The following RUBCN variants were observed in gnomAD, a reference collection of about 807,000 sequenced individuals.
The protein encoded by RUBCN is run domain Beclin-1-interacting and cysteine-rich domain-containing protein.
RUBCN carries 74 observed loss-of-function variants against 113.2 expected under a neutral mutation model. The observed-to-expected ratio is 0.65, with a 90% CI of 0.54 to 0.79. The LOEUF is 0.79. Among genes scored for constraint, RUBCN ranks in the 30% least tolerant of loss-of-function variants. The probability of loss-of-function intolerance (pLI) is 0.00; values close to 1 mark genes in which losing one functional copy is unlikely to be tolerated. For synonymous variants in RUBCN, 480 were observed against 490.0 expected (o/e 0.98, Z 0.27); for missense variants, 1,109 against 1,251.7 (o/e 0.89, Z 1.72).
At chr3:197,726,222 G>GTATTT (rs1000971388) in intron 1 of RUBCN, among the ~76,000 whole-genome samples, 14 of 152,024 alleles carry the variant, frequency 9.2e-5, no homozygotes, top group South Asian at 2.1e-4. Context: ...TATTTCTTTT[G>GTATTT]TATTTTATTT....
At chr3:197,691,786 A>G (rs1019498567) in intron 11 of RUBCN, among the ~76,000 whole-genome samples, 2 of 151,942 alleles carry the variant, frequency 1.3e-5, no homozygotes, top group African/African-American at 4.8e-5. Context: ...CTCCTCCTGA[A>G]ATTCTGACTG....
chr3:197,696,828 G>T, intron 8 of RUBCN, 126 bp downstream of exon 8: 1 of 673,248 alleles, frequency 1.5e-6, no homozygotes, highest in East Asian at 3.0e-5. Context: ...ACAAAAGAGT[G>T]ACTGAGACTG....
chr3:197,749,596 A>C (rs1280806708), exon 1 of RUBCN: 3 of 1,212,964 alleles, frequency 2.5e-6, no homozygotes, highest in Middle Eastern at 4.4e-4. Context: ...TGTCTGCAGC[A>C]GGAGGGACTC....
chr3:197,719,891 C>T (rs1725957527), intron 1 of RUBCN, among the ~76,000 whole-genome samples: 1 of 152,186 alleles, frequency 6.6e-6, no homozygotes, highest in Admixed American at 6.5e-5. Context: ...AAGTAATTAG[C>T]ATATCCATCA....
chr3:197,701,232 C>T lies in RUBCN; in HGVS notation c.728-86G>A, dbSNP rs139172914. On this transcript the variant is annotated intron_variant, in intron 6 of 19. Coordinates refer to ENST00000296343, the MANE Select transcript of RUBCN (RefSeq NM_014687.4). The stretch of plus-strand genomic sequence containing the variant: ...TGAAGGACTGGGTGACCAGGACATA[C>T]GATGTCACCTCAGAAACGGCAAGCC... 1.3e-4 allele frequency: 160 copies of T among 1,211,068 alleles called. No individual in the cohort carries two copies. In the East Asian group the frequency reaches 2.0e-3, roughly 15 times the overall value. 75.0% of individuals were successfully genotyped at this position (1,211,068 alleles called of 1,614,324 possible).
At chr3:197,676,771 C>T in intron 18 of RUBCN, 114 bp downstream of exon 18, 2 of 1,585,254 alleles carry the variant, frequency 1.3e-6, no homozygotes, top group Non-Finnish European at 1.7e-6. Flanking sequence ...TCTCCCAGTG[C>T]TGACTGGCCA....
intron 2 of RUBCN, among the ~76,000 whole-genome samples, chr3:197,709,093 A>T (rs1724655991): frequency 6.6e-6 from 1 of 152,186 alleles, no homozygotes; most frequent in South Asian, 2.1e-4. Context: ...CAATATCCTA[A>T]GATTGTTGAA....
At chr3:197,719,476 CAAAA>C (rs369029082) in intron 1 of RUBCN, among the ~76,000 whole-genome samples, 54 of 54,238 alleles carry the variant, frequency 1.0e-3, no homozygotes, top group Non-Finnish European at 1.7e-3. Flanking sequence ...GAGATTGTCT[CAAAA>C]AAAAAAAAAA....
At position 197,693,820 on chromosome 3, in the gene RUBCN, T is replaced by C. The variant is rs1722697866; in HGVS notation, c.1685-4A>G. ...CTGCTGGAGGTGACCCGAAAGCCTGTTATGTTTAAAAACAAAAAGGAATAA... is the reference window on the plus strand; with the variant it reads ...CTGCTGGAGGTGACCCGAAAGCCTGCTATGTTTAAAAACAAAAAGGAATAA... On this transcript the variant is annotated splice_polypyrimidine_tract_variant and splice_region_variant and intron_variant, in intron 10 of 19. Coordinates refer to ENST00000296343, the MANE Select transcript of RUBCN (RefSeq NM_014687.4). 1.2e-6 allele frequency: 2 copies of C among 1,611,124 alleles called. No individual in the cohort carries two copies. The highest frequency in any genetic ancestry group is 1.3e-5 in the African/African-American group (1 of 74,882).
In RUBCN at chr3:197,705,186, A is replaced by T. The variant is rs775057348; in HGVS notation, c.220-11T>A. On this transcript the variant is annotated splice_polypyrimidine_tract_variant and intron_variant, in intron 2 of 19. Transcript: ENST00000296343. ...CTGGCGGCGGCACGCCTGCAAAGGG[A>T]ACACATACAATGAGCAAATCACGAC... The T allele has an allele frequency of 1.1e-5, 18 of 1,612,400 alleles. No homozygotes were observed. Among genetic ancestry groups the T allele is most frequent in the Middle Eastern group, 3.3e-4 (2 of 6,062 alleles).
At chr3:197,713,939 T>C (rs1467405356) in intron 2 of RUBCN, among the ~76,000 whole-genome samples, 2 of 151,092 alleles carry the variant, frequency 1.3e-5, no homozygotes, top group African/African-American at 2.4e-5. Flanking sequence ...TAGCCGGGCG[T>C]GGTGGCGGGC....
At chr3:197,710,464 G>GT (rs1311204281) in intron 2 of RUBCN, among the ~76,000 whole-genome samples, 1 of 152,080 alleles carries the variant, frequency 6.6e-6, no homozygotes, top group Non-Finnish European at 1.5e-5. Flanking sequence ...GCTGGGCATG[G>GT]TGGCACATGC....
At position 197,674,815 on chromosome 3, in the gene RUBCN, C is replaced by A; in HGVS notation, c.*203G>T. ...CACCTGGTGTTTACAAATTATCTGT[C>A]ACCACAGACTCTGGACCCATCAACC... On this transcript the variant is annotated 3_prime_UTR_variant, in exon 20 of 20. Coordinates refer to ENST00000296343, the MANE Select transcript of RUBCN (RefSeq NM_014687.4). 1.8e-6 allele frequency: 1 copy of A among 543,996 alleles called. No homozygotes were observed. Among genetic ancestry groups the A allele is most frequent in the Non-Finnish European group, 3.2e-6 (1 of 312,888 alleles). The allele number at this position is 543,996 out of a possible 1,614,324, so 33.7% of individuals were successfully genotyped here. A position where few individuals can be genotyped will look rare whatever the true frequency, so the allele number is the denominator to read the frequency against.
In RUBCN at chr3:197,676,087, C is replaced by T. The variant is rs756518090; in HGVS notation, c.2647-572G>A. ...CATGTTGAGTAGATGACGACAATAA[C>T]GACGTGCGTTTGAGGAATACATAAA... On this transcript the variant is annotated intron_variant, in intron 18 of 19. Coordinates refer to ENST00000296343, the MANE Select transcript of RUBCN (RefSeq NM_014687.4). The T allele has an allele frequency of 8.4e-5, 51 of 604,324 alleles. 1 individual carries two copies. The highest frequency in any genetic ancestry group is 1.0e-4 in the Non-Finnish European group (50 of 477,780). 37.4% of individuals were successfully genotyped at this position (604,324 alleles called of 1,614,324 possible). A position where few individuals can be genotyped will look rare whatever the true frequency, so the allele number is the denominator to read the frequency against.
chr3:197,678,847 T>A (rs1433947349), intron 16 of RUBCN, among the ~76,000 whole-genome samples: 2 of 150,656 alleles, frequency 1.3e-5, no homozygotes, highest in African/African-American at 4.9e-5. Flanking sequence ...AACTGACAAC[T>A]GGCTTCAGAC....
intron 2 of RUBCN, among the ~76,000 whole-genome samples, chr3:197,711,844 T>TA (rs1353140715): frequency 6.6e-6 from 1 of 152,308 alleles, no homozygotes; most frequent in African/African-American, 2.4e-5. Flanking sequence ...TATAGAGTGA[T>TA]ATATATAGTA....
rs958830649 is a variant in RUBCN, at chr3:197,698,390, C to T, written c.1262-1341G>A. Reference sequence around the variant, plus strand: ...TGCAGACACATTCCAGTGTTCATGTCCATGAATTATGGTACCCAGGATGGA... The same window carrying T: ...TGCAGACACATTCCAGTGTTCATGTTCATGAATTATGGTACCCAGGATGGA... On this transcript the variant is annotated intron_variant, in intron 7 of 19. Transcript: ENST00000296343. Among the ~76,000 whole-genome samples the T allele has an allele frequency of 2.6e-5, 4 of 152,286 alleles. No homozygotes were observed. In the South Asian group the frequency reaches 6.2e-4, roughly 24 times the overall value.
intron 11 of RUBCN, among the ~76,000 whole-genome samples, chr3:197,685,960 T>C (rs1052361443): frequency 6.6e-6 from 1 of 152,222 alleles, no homozygotes; most frequent in Non-Finnish European, 1.5e-5. Flanking sequence ...CTCAGAGTGC[T>C]TTGTACATAA....
At chr3:197,738,782 G>C (rs1728372268), upstream of RUBCN, among the ~76,000 whole-genome samples, 1 of 151,604 alleles carries the variant, frequency 6.6e-6, no homozygotes. Flanking sequence ...GGTAGAGACA[G>C]GGTCTCACTG....
Sources: gnomAD v4.1 joint callset for allele counts (sites outside exome capture counted in the v4.1 genomes callset) on GRCh38, gnomAD v4.1.1 for gene constraint, MANE v1.5 for transcripts, NCBI Gene and HGNC (gene_info 2026-07-23, HGNC 2026-07-21) for gene names.